Variants in GSE1 observed in about 807,000 individuals in gnomAD.
The protein encoded by GSE1 is genetic suppressor element 1.
In GSE1, 32 loss-of-function variants were observed where a neutral mutation model predicts 112.6. The ratio of observed to expected loss-of-function variants is 0.28; its 90% confidence interval spans 0.21 to 0.38. The LOEUF (loss-of-function observed/expected upper bound fraction) is 0.38, where lower values mean the gene tolerates loss of function less well. Among genes scored for constraint, GSE1 ranks in the 10% least tolerant of loss-of-function variants. The pLI is 1.00. For missense variants in GSE1, 2,348 were observed against 1,699.2 expected (o/e 1.38, Z -6.71); for synonymous variants, 1,115 against 735.6 (o/e 1.52, Z -8.35).
At chr16:85,550,643 C>T (rs1034289506) in intron 2 of GSE1, among the ~76,000 whole-genome samples, 5 of 152,196 alleles carry the variant, frequency 3.3e-5, no homozygotes, top group South Asian at 2.1e-4. Flanking sequence ...AGCCGAGGCA[C>T]CCCGCCGCCT....
intron 2 of GSE1, among the ~76,000 whole-genome samples, chr16:85,483,623 G>T (rs777597537): frequency 6.6e-6 from 1 of 152,404 alleles, no homozygotes; most frequent in East Asian, 1.9e-4. Flanking sequence ...GGGATCAAGT[G>T]TCTCCGAGGC....
intron 3 of GSE1, among the ~76,000 whole-genome samples, chr16:85,649,475 G>A (rs1026981242): frequency 7.2e-5 from 11 of 152,184 alleles, no homozygotes; most frequent in Admixed American, 1.3e-4. Flanking sequence ...GGCTCCCAGC[G>A]GAGGCCCCTC....
At chr16:85,364,181 G>A (rs58379990) in intron 2 of GSE1, among the ~76,000 whole-genome samples, 56,639 of 151,960 alleles carry the variant, frequency 0.37, 10,774 homozygotes, top group East Asian at 0.56. Flanking sequence ...GCTGGAGGCC[G>A]CCCGCATTCC....
chr16:85,274,941 G>A (rs939863818), intron 1 of GSE1, among the ~76,000 whole-genome samples: 2 of 152,222 alleles, frequency 1.3e-5, no homozygotes, highest in Non-Finnish European at 2.9e-5. Context: ...TGTTCTTGGA[G>A]TGAGACCAGG....
intron 1 of GSE1, among the ~76,000 whole-genome samples, chr16:85,588,493 C>G (rs916624832): frequency 4.6e-5 from 7 of 152,182 alleles, no homozygotes; most frequent in African/African-American, 1.7e-4. Context: ...ATCTGTAATT[C>G]GGATGACATA....
chr16:85,260,229 C>G (rs1444279495), intron 1 of GSE1, among the ~76,000 whole-genome samples: 2 of 151,684 alleles, frequency 1.3e-5, no homozygotes, highest in Non-Finnish European at 2.9e-5. Flanking sequence ...TGCCTCTGGT[C>G]TTGGGTCACA....
At chr16:85,300,824 C>T (rs891497293) in intron 1 of GSE1, among the ~76,000 whole-genome samples, 10 of 152,208 alleles carry the variant, frequency 6.6e-5, no homozygotes, top group Admixed American at 2.6e-4. Context: ...CGACCACCCA[C>T]CTGGCGTGTG....
chr16:85,318,543 G>A (rs543784643), intron 1 of GSE1, among the ~76,000 whole-genome samples: 20 of 152,332 alleles, frequency 1.3e-4, no homozygotes, highest in African/African-American at 4.3e-4. Context: ...GGGATTACAA[G>A]CGTGAGCCAC....
Position 85,419,451 on chromosome 16 carries a change from C to T in GSE1, c.2464+61808C>T, listed in dbSNP as rs932984894. 4.0e-5 allele frequency among the ~76,000 whole-genome samples: 6 copies of T among 151,712 alleles called. No homozygotes were observed. Among genetic ancestry groups the T allele is most frequent in the African/African-American group, 1.5e-4 (6 of 41,268 alleles). ...AACATAGTGAGACCCTGTCTACGAACAAAAGTTAGCCAGGCGTGGTGGTGC... is the reference window on the plus strand; with the variant it reads ...AACATAGTGAGACCCTGTCTACGAATAAAAGTTAGCCAGGCGTGGTGGTGC... On this transcript the variant is annotated intron_variant, in intron 2 of 2. Coordinates refer to the GSE1 transcript ENST00000637419. The surrounding 1 kb of genome is among the most constrained non-coding windows in gnomAD (Gnocchi z 6.5).
intron 1 of GSE1, among the ~76,000 whole-genome samples, chr16:85,626,908 C>T (rs1453800551): frequency 6.6e-6 from 1 of 151,844 alleles, no homozygotes; most frequent in Non-Finnish European, 1.5e-5. Flanking sequence ...GCTGTTGGAG[C>T]GTTTGGACAG....
intron 2 of GSE1, among the ~76,000 whole-genome samples, chr16:85,517,842 C>T (rs771806424): frequency 1.3e-5 from 2 of 152,372 alleles, no homozygotes; most frequent in Non-Finnish European, 2.9e-5. Flanking sequence ...CAGGCTCCGC[C>T]GTGAAGAACG....
intron 1 of GSE1, among the ~76,000 whole-genome samples, chr16:85,557,343 C>T (rs2045283207): frequency 6.6e-6 from 1 of 152,054 alleles, no homozygotes; most frequent in South Asian, 2.1e-4. Context: ...TTTATTCCTC[C>T]CTCCCTCCGA....
At chr16:85,561,283 A>T (rs544634611) in intron 1 of GSE1, among the ~76,000 whole-genome samples, 21 of 152,200 alleles carry the variant, frequency 1.4e-4, no homozygotes, top group African/African-American at 4.8e-4. Flanking sequence ...GTACAGAGAG[A>T]TTGAGGTCAC....
intron 1 of GSE1, among the ~76,000 whole-genome samples, chr16:85,199,639 G>T (rs555898054): frequency 3.2e-4 from 49 of 152,284 alleles, no homozygotes; most frequent in African/African-American, 1.1e-3. Flanking sequence ...AGTGCTGCGG[G>T]CCGGAACACC....
chr16:85,547,705 A>T (rs1338947458), intron 2 of GSE1, among the ~76,000 whole-genome samples: 1 of 151,280 alleles, frequency 6.6e-6, no homozygotes, highest in Non-Finnish European at 1.5e-5. Context: ...ACATGGTGAA[A>T]CCCTGTCTCT....
chr16:85,605,164 G>A (rs1302657067), intron 1 of GSE1, among the ~76,000 whole-genome samples: 10 of 151,784 alleles, frequency 6.6e-5, no homozygotes, highest in Admixed American at 3.9e-4. Flanking sequence ...TTGGGTGGCC[G>A]GCTGGGCCCC....
At chr16:85,330,493 T>C (rs10871293) in intron 1 of GSE1, among the ~76,000 whole-genome samples, 58,604 of 151,786 alleles carry the variant, frequency 0.39, 11,403 homozygotes, top group Non-Finnish European at 0.42. Context: ...TTAGAGCCAT[T>C]GTTCGTGGTC....
intron 1 of GSE1, among the ~76,000 whole-genome samples, chr16:85,571,539 GA>G (rs1431693604): frequency 6.6e-6 from 1 of 152,180 alleles, no homozygotes; most frequent in Non-Finnish European, 1.5e-5. Flanking sequence ...GCAATCCTCG[GA>G]GCGATACTGG....
intron 2 of GSE1, among the ~76,000 whole-genome samples, chr16:85,480,412 C>A (rs371174590): frequency 1.8e-4 from 28 of 152,318 alleles, no homozygotes; most frequent in South Asian, 6.2e-4. Context: ...GCCTCCACCC[C>A]CCTCTGCCTG....
Sources: allele counts gnomAD v4.1 joint callset (sites outside exome capture counted in the v4.1 genomes callset), GRCh38; gene constraint gnomAD v4.1.1; non-coding constraint Gnocchi (gnomAD v3.1); transcripts MANE v1.5; gene names NCBI Gene and HGNC (gene_info 2026-07-23, HGNC 2026-07-21).